The following RFTN2 variants were observed in gnomAD, a reference collection of about 807,000 sequenced individuals.
RFTN2 encodes raftlin family member 2.
RFTN2 carries 34 observed loss-of-function variants against 52.7 expected under a neutral mutation model. The ratio of observed to expected loss-of-function variants is 0.64; its 90% confidence interval spans 0.49 to 0.86. The LOEUF is 0.86. Among genes scored for constraint, RFTN2 ranks in the 40% least tolerant of loss-of-function variants. The probability of loss-of-function intolerance (pLI) is 0.00; values close to 1 mark genes in which losing one functional copy is unlikely to be tolerated. For synonymous variants in RFTN2, 203 were observed against 217.7 expected (o/e 0.93, Z 0.59); for missense variants, 536 against 600.1 (o/e 0.89, Z 1.12).
At chr2:197,619,777 A>G (rs115530511) in intron 5 of RFTN2, among the ~76,000 whole-genome samples, 4,944 of 149,936 alleles carry the variant, frequency 0.033, 275 homozygotes, top group African/African-American at 0.11. Flanking sequence ...ATAAAATAAA[A>G]TAAAATTAAA....
intron 7 of RFTN2, among the ~76,000 whole-genome samples, chr2:197,597,761 G>C (rs1421950578): frequency 6.6e-6 from 1 of 152,050 alleles, no homozygotes; most frequent in Non-Finnish European, 1.5e-5. Flanking sequence ...CAGGTGATCC[G>C]CCTGCCTTGG....
intron 1 of RFTN2, among the ~76,000 whole-genome samples, chr2:197,660,690 G>A (rs2088965612): frequency 6.6e-6 from 1 of 151,694 alleles, no homozygotes; most frequent in South Asian, 2.1e-4. Context: ...CGAGTAGCTG[G>A]GATTACAGGT....
At chr2:197,572,703 A>T (rs1248885314) in intron 8 of RFTN2, among the ~76,000 whole-genome samples, 1 of 152,206 alleles carries the variant, frequency 6.6e-6, no homozygotes, top group Non-Finnish European at 1.5e-5. Flanking sequence ...CACCCATGTC[A>T]TGTAGACACA....
At chr2:197,582,723 A>T (rs538085738) in intron 8 of RFTN2, among the ~76,000 whole-genome samples, 20 of 152,130 alleles carry the variant, frequency 1.3e-4, no homozygotes, top group African/African-American at 4.6e-4. Context: ...TCACTACACA[A>T]TGGTCCTCCA....
intron 1 of RFTN2, among the ~76,000 whole-genome samples, chr2:197,650,642 T>C (rs748142557): frequency 1.3e-5 from 2 of 152,214 alleles, no homozygotes; most frequent in South Asian, 2.1e-4. Flanking sequence ...CTTTTTAAGA[T>C]TGAATAATAT....
chr2:197,587,245 A>T (rs915751008), intron 8 of RFTN2, among the ~76,000 whole-genome samples: 1 of 152,090 alleles, frequency 6.6e-6, no homozygotes, highest in Non-Finnish European at 1.5e-5. Flanking sequence ...TGCTTGAAGC[A>T]GCCCTGAGAA....
At chr2:197,586,267 C>T (rs1447288537) in intron 8 of RFTN2, among the ~76,000 whole-genome samples, 1 of 152,122 alleles carries the variant, frequency 6.6e-6, no homozygotes, top group South Asian at 2.1e-4. Context: ...TTTGTAGATA[C>T]TCATCGTTTT....
At chr2:197,668,587 T>C (rs1371456623) in intron 1 of RFTN2, among the ~76,000 whole-genome samples, 1 of 152,178 alleles carries the variant, frequency 6.6e-6, no homozygotes, top group Middle Eastern at 3.2e-3. Flanking sequence ...AGCCTGCACC[T>C]GGGTTGTACC....
chr2:197,646,414 A>G (rs1368527729), intron 2 of RFTN2, 69 bp downstream of exon 2: 2 of 1,326,164 alleles, frequency 1.5e-6, no homozygotes, highest in African/African-American at 1.5e-5. Flanking sequence ...ACTTGATTCA[A>G]ATTTTTTTTT....
At chr2:197,651,409 AGG>A (rs2088825243) in intron 1 of RFTN2, among the ~76,000 whole-genome samples, 1 of 152,200 alleles carries the variant, frequency 6.6e-6, no homozygotes, top group African/African-American at 2.4e-5. Context: ...ACCTGAGATC[AGG>A]AGTTTGAGAC....
Position 197,579,350 on chromosome 2 carries a change from C to T in RFTN2, c.1234-7070G>A, listed in dbSNP as rs933138860. The stretch of plus-strand genomic sequence containing the variant: ...GGCTTGCCTCCTTCACTATGGGCAA[C>T]CTTCCATCCTCCATTCCTCTTTCTT... On this transcript the variant is annotated intron_variant, in intron 8 of 8. Coordinates refer to ENST00000295049, the MANE Select transcript of RFTN2 (RefSeq NM_144629.3). Among the ~76,000 whole-genome samples, 7 of 152,156 alleles carry T rather than the reference C, an allele frequency of 4.6e-5. No individual in the cohort carries two copies. In the East Asian group the frequency reaches 9.6e-4, roughly 21 times the overall value.
chr2:197,607,357 C>CATT (rs2087979555), intron 7 of RFTN2, among the ~76,000 whole-genome samples: 2 of 152,022 alleles, frequency 1.3e-5, no homozygotes. Context: ...GCAGGGATAG[C>CATT]ATTAGGAGAT....
At chr2:197,612,896 C>A (rs4389332) in intron 7 of RFTN2, among the ~76,000 whole-genome samples, 64,363 of 152,040 alleles carry the variant, frequency 0.42, 14,199 homozygotes, top group Middle Eastern at 0.56. Flanking sequence ...GTTGAAATTA[C>A]TTAAGACTCT....
intron 1 of RFTN2, among the ~76,000 whole-genome samples, chr2:197,654,442 T>A (rs992294543): frequency 2.3e-4 from 35 of 152,090 alleles, no homozygotes; most frequent in African/African-American, 8.0e-4. Flanking sequence ...AATTAGCCAT[T>A]AGAGGGGTGT....
chr2:197,610,621 T>C (rs1219794461), intron 7 of RFTN2, among the ~76,000 whole-genome samples: 1 of 152,286 alleles, frequency 6.6e-6, no homozygotes, highest in Non-Finnish European at 1.5e-5. Context: ...TCTTGCCTGA[T>C]TGCCCTGGCC....
intron 5 of RFTN2, among the ~76,000 whole-genome samples, chr2:197,619,549 C>T (rs1398817893): frequency 6.8e-6 from 1 of 148,118 alleles, no homozygotes; most frequent in Non-Finnish European, 1.5e-5. Flanking sequence ...AGGCAGCATG[C>T]TCCTTAAGAG....
intron 5 of RFTN2, 91 bp from the exon 6 acceptor site, chr2:197,618,012 T>C (rs1236789291): frequency 9.5e-7 from 1 of 1,048,220 alleles, no homozygotes; most frequent in Non-Finnish European, 1.3e-6. Flanking sequence ...TATAGGAAAC[T>C]GAAGGAAAAA....
intron 7 of RFTN2, among the ~76,000 whole-genome samples, chr2:197,613,796 T>C (rs1319601647): frequency 1.3e-5 from 2 of 152,200 alleles, no homozygotes; most frequent in Non-Finnish European, 2.9e-5. Context: ...TAAACACCAA[T>C]ATTGCACAAT....
intron 3 of RFTN2, among the ~76,000 whole-genome samples, chr2:197,643,785 T>C (rs1161540873): frequency 6.6e-6 from 1 of 152,226 alleles, no homozygotes; most frequent in African/African-American, 2.4e-5. Flanking sequence ...CCATTTTCTT[T>C]TGTTTTTTTA....
Sources: allele counts gnomAD v4.1 joint callset (sites outside exome capture counted in the v4.1 genomes callset), GRCh38; gene constraint gnomAD v4.1.1; transcripts MANE v1.5; gene names NCBI Gene and HGNC (gene_info 2026-07-23, HGNC 2026-07-21).